The following CLASP1 variants were observed in gnomAD, a reference collection of about 807,000 sequenced individuals.
CLASP1 encodes the protein CLIP-associating protein 1.
Under a neutral mutation model 192.3 loss-of-function variants are expected in CLASP1, and 38 were observed. That is an observed-to-expected ratio of 0.20 (90% CI 0.15 to 0.26). The LOEUF (loss-of-function observed/expected upper bound fraction) is 0.26. CLASP1 is among the 10% of genes least tolerant of loss of function. CLASP1 has a pLI of 1.00. For missense variants in CLASP1, 1,433 were observed against 1,932.5 expected, an observed-to-expected ratio of 0.74 and a Z score of 4.85; for synonymous variants, 691 against 712.8, an observed-to-expected ratio of 0.97 and a Z score of 0.49.
At chr2:121,456,373 T>G in intron 14 of CLASP1, among the ~76,000 whole-genome samples, 1 of 149,046 alleles carries the variant, frequency 6.7e-6, no homozygotes. Context: ...AAAAGATTAG[T>G]GGGCCATGGT....
intron 19 of CLASP1, among the ~76,000 whole-genome samples, chr2:121,434,961 A>C (rs999202841): frequency 2.0e-5 from 3 of 151,844 alleles, no homozygotes; most frequent in African/African-American, 7.3e-5. Flanking sequence ...AATACTCTTC[A>C]ACAGCTTTCT....
intron 25 of CLASP1, among the ~76,000 whole-genome samples, chr2:121,404,964 T>C (rs2076700990): frequency 6.6e-6 from 1 of 152,168 alleles, no homozygotes; most frequent in Non-Finnish European, 1.5e-5. Context: ...CAAAACAGCA[T>C]GTGTTTCAGG....
chr2:121,393,943 T>C (rs1369594423), intron 30 of CLASP1, among the ~76,000 whole-genome samples: 1 of 150,368 alleles, frequency 6.7e-6, no homozygotes, highest in Non-Finnish European at 1.5e-5. Context: ...AACCACATCA[T>C]AATTTGCATA....
At chr2:121,455,305 T>A (rs952384384) in intron 14 of CLASP1, among the ~76,000 whole-genome samples, 1 of 152,216 alleles carries the variant, frequency 6.6e-6, no homozygotes, top group Non-Finnish European at 1.5e-5. Context: ...ACTAGGTATA[T>A]ATCCCCAAAA....
intron 8 of CLASP1, among the ~76,000 whole-genome samples, chr2:121,474,933 G>T (rs1471002046): frequency 6.6e-6 from 1 of 152,166 alleles, no homozygotes; most frequent in African/African-American, 2.4e-5. Flanking sequence ...ATTAAGCAAA[G>T]TAATGTTAAT....
intron 2 of CLASP1, among the ~76,000 whole-genome samples, chr2:121,551,914 C>G (rs1186655707): frequency 1.3e-5 from 2 of 152,074 alleles, no homozygotes; most frequent in Non-Finnish European, 2.9e-5. Flanking sequence ...GCAAAAAGAA[C>G]AAGGCTGAAG....
intron 8 of CLASP1, among the ~76,000 whole-genome samples, chr2:121,500,354 AAGAAAG>A (rs1432754015): frequency 9.2e-6 from 1 of 108,414 alleles, no homozygotes; most frequent in African/African-American, 5.0e-5. Flanking sequence ...AAAAGAAAGA[AAGAAAG>A]AAAGAAAGAA....
At chr2:121,408,920 C>T (rs2077294114) in intron 24 of CLASP1, 1 of 875,436 alleles carries the variant, frequency 1.1e-6, no homozygotes, top group Non-Finnish European at 1.8e-6. Flanking sequence ...ATATTTCAGA[C>T]CAGAATTTCT....
intron 2 of CLASP1, among the ~76,000 whole-genome samples, chr2:121,556,785 T>G (rs2058606353): frequency 6.6e-6 from 1 of 152,210 alleles, no homozygotes; most frequent in African/African-American, 2.4e-5. Flanking sequence ...GGTTCTAAAT[T>G]AAGTTGAACA....
intron 7 of CLASP1, among the ~76,000 whole-genome samples, chr2:121,512,395 C>T (rs1219435579): frequency 6.6e-6 from 1 of 152,178 alleles, no homozygotes; most frequent in African/African-American, 2.4e-5. Flanking sequence ...CAGGGTATCA[C>T]ACAACTACAT....
chr2:121,378,707 T>A (rs1210623050), intron 33 of CLASP1, among the ~76,000 whole-genome samples: 1 of 152,114 alleles, frequency 6.6e-6, no homozygotes, highest in African/African-American at 2.4e-5. Flanking sequence ...GATGAATTCG[T>A]CTAATTTAAT....
At chr2:121,434,846 G>T (rs1353111134) in intron 19 of CLASP1, among the ~76,000 whole-genome samples, 1 of 151,766 alleles carries the variant, frequency 6.6e-6, no homozygotes, top group Non-Finnish European at 1.5e-5. Flanking sequence ...AAATTACCTG[G>T]GCGTGGTGGT....
At chr2:121,361,529 C>A (rs2066408408) in intron 37 of CLASP1, among the ~76,000 whole-genome samples, 1 of 152,144 alleles carries the variant, frequency 6.6e-6, no homozygotes, top group African/African-American at 2.4e-5. Context: ...CAACCCGTGG[C>A]CCAGGATGGT....
intron 2 of CLASP1, among the ~76,000 whole-genome samples, chr2:121,554,480 AT>A (rs1227813550): frequency 8.2e-5 from 11 of 133,782 alleles, no homozygotes; most frequent in Non-Finnish European, 1.8e-4. Flanking sequence ...AAAAAAAAAA[AT>A]TAGCCAGGAG....
At chr2:121,611,716 C>G (rs2065555979) in intron 1 of CLASP1, among the ~76,000 whole-genome samples, 1 of 124,254 alleles carries the variant, frequency 8.0e-6, no homozygotes, top group Non-Finnish European at 1.7e-5. Context: ...GGAAGAAGAA[C>G]TGGAGGAGGA....
At chr2:121,533,706 G>A (rs1466632316) in intron 2 of CLASP1, among the ~76,000 whole-genome samples, 4 of 152,082 alleles carry the variant, frequency 2.6e-5, no homozygotes, top group Admixed American at 1.3e-4. Context: ...TTAACTCTGC[G>A]TGACCCTTGA....
chr2:121,346,077 C>T (rs753358169), intron 39 of CLASP1, among the ~76,000 whole-genome samples: 3 of 152,260 alleles, frequency 2.0e-5, no homozygotes, highest in Non-Finnish European at 4.4e-5. Context: ...AAAGCAACAG[C>T]TCAATCTGAA....
In CLASP1 at chr2:121,540,661, G is replaced by A. The variant is rs534867384; in HGVS notation, c.196-10336C>T. ...AAATTAGCTCGGCGTAGTGGCATGC[G>A]CCTGTCATCCCAGCTACTTGGAGGC... is the stretch of plus-strand genomic sequence containing the variant. On this transcript the variant is annotated intron_variant, in intron 2 of 39. Transcript: ENST00000263710. Among the ~76,000 whole-genome samples, 8 of 151,962 alleles carry A rather than the reference G, an allele frequency of 5.3e-5. No homozygotes were observed. The South Asian group carries it at 8.3e-4, about 16-fold the overall frequency.
At chr2:121,351,070 G>A (rs540588765) in intron 37 of CLASP1, among the ~76,000 whole-genome samples, 1 of 152,174 alleles carries the variant, frequency 6.6e-6, no homozygotes, top group Non-Finnish European at 1.5e-5. Flanking sequence ...TGCACTTGAG[G>A]AGCAGGCCGC....
Sources: gnomAD v4.1 joint callset for allele counts (sites outside exome capture counted in the v4.1 genomes callset) on GRCh38, gnomAD v4.1.1 for gene constraint, MANE v1.5 for transcripts, NCBI Gene and HGNC (gene_info 2026-07-23, HGNC 2026-07-21) for gene names.